Variants in NINJ2 observed in about 807,000 individuals in gnomAD.
The protein encoded by NINJ2 is ninjurin-2.
A neutral mutation model predicts 11.7 loss-of-function variants in NINJ2; 12 were observed. That is an observed-to-expected ratio of 1.02 (90% CI 0.66 to 1.66). The LOEUF (loss-of-function observed/expected upper bound fraction) is 1.66, where lower values mean the gene tolerates loss of function less well. NINJ2 is among the 40% of genes most tolerant of loss of function. The probability of loss-of-function intolerance (pLI) is 0.00; values close to 1 mark genes in which losing one functional copy is unlikely to be tolerated. For missense variants in NINJ2, 187 were observed against 181.8 expected (o/e 1.03, Z -0.16); for synonymous variants, 93 against 76.8 (o/e 1.21, Z -1.10).
chr12:588,904 C>T (rs1464995347), intron 1 of NINJ2, among the ~76,000 whole-genome samples: 4 of 152,190 alleles, frequency 2.6e-5, no homozygotes, highest in Admixed American at 6.5e-5. Context: ...AGCACTTTCA[C>T]GTCCTTGGTA....
intron 1 of NINJ2, among the ~76,000 whole-genome samples, chr12:659,960 C>T (rs1363992442): frequency 6.6e-6 from 1 of 152,068 alleles, no homozygotes; most frequent in Non-Finnish European, 1.5e-5. Flanking sequence ...AAACTTCCTG[C>T]CACTTACTTG....
chr12:609,387 G>A (rs1385710031), intron 1 of NINJ2, among the ~76,000 whole-genome samples: 1 of 152,136 alleles, frequency 6.6e-6, no homozygotes, highest in African/African-American at 2.4e-5. Context: ...AATGCAGAGC[G>A]GGCCTTCGCA....
chr12:578,289 G>A (rs1379843977), intron 1 of NINJ2, among the ~76,000 whole-genome samples: 1 of 152,126 alleles, frequency 6.6e-6, no homozygotes, highest in Non-Finnish European at 1.5e-5. Context: ...CAAAGCTCCT[G>A]GCCGAATAAA....
intron 1 of NINJ2, among the ~76,000 whole-genome samples, chr12:583,799 GTCGAGACCTGGCCCTGCCCCT>G (rs1280871473): frequency 1.3e-5 from 2 of 152,234 alleles, no homozygotes; most frequent in Non-Finnish European, 2.9e-5. Flanking sequence ...GGACAGCGGA[GTCGAGACCTGGCCCTGCCCCT>G]TCATAGCTGC....
chr12:592,221 C>T (rs1192506264), intron 1 of NINJ2, among the ~76,000 whole-genome samples: 1 of 152,100 alleles, frequency 6.6e-6, no homozygotes, highest in Non-Finnish European at 1.5e-5. Context: ...CCTCACTGGG[C>T]TGCTGCGACA....
In NINJ2 at chr12:565,647, G is replaced by A. The variant is rs997451669; in HGVS notation, c.263-246C>T. On this transcript the variant is annotated intron_variant, in intron 2 of 3. Transcript: ENST00000305108. Reference sequence around the variant, plus strand: ...AGCTGGGTCCTGTAAGCGTGGGGACGAGTGCTCATGGAGAAGCGGTGAGCG... The same window carrying A: ...AGCTGGGTCCTGTAAGCGTGGGGACAAGTGCTCATGGAGAAGCGGTGAGCG... 2.9e-5 allele frequency: 18 copies of A among 611,224 alleles called. No individual in the cohort carries two copies. In the Admixed American group the frequency reaches 3.1e-4, roughly 11 times the overall value. The allele number at this position is 611,224 out of a possible 1,614,324, so 37.9% of individuals were successfully genotyped here.
intron 1 of NINJ2, among the ~76,000 whole-genome samples, chr12:632,914 A>C (rs891872103): frequency 6.6e-6 from 1 of 152,240 alleles, no homozygotes; most frequent in Non-Finnish European, 1.5e-5. Context: ...GTGCCAGCCC[A>C]AACCAGAACC....
intron 1 of NINJ2, among the ~76,000 whole-genome samples, chr12:578,856 A>T (rs1242250905): frequency 6.6e-6 from 1 of 152,192 alleles, no homozygotes; most frequent in Non-Finnish European, 1.5e-5. Flanking sequence ...TTCCCAGCCC[A>T]GTGCTGCCAG....
Position 585,185 on chromosome 12 carries a change from G to T in NINJ2, c.34-19007C>A, listed in dbSNP as rs1947614962. ...GCTGCATTTCCACCGCCATGAAATG[G>T]AGGCTGTCTCTGCAGTGACCTTCAC... is the stretch of plus-strand genomic sequence containing the variant. On this transcript the variant is annotated intron_variant, in intron 1 of 3. Transcript: ENST00000305108. The surrounding 1 kb of genome is among the most constrained non-coding windows in gnomAD (Gnocchi z 4.1). Among the ~76,000 whole-genome samples the T allele has an allele frequency of 6.6e-6, 1 of 152,194 alleles. No homozygotes were observed. The highest frequency in any genetic ancestry group is 2.4e-5 in the African/African-American group (1 of 41,450).
intron 1 of NINJ2, among the ~76,000 whole-genome samples, chr12:627,382 T>C (rs560448689): frequency 7.2e-5 from 11 of 152,178 alleles, no homozygotes; most frequent in Admixed American, 2.0e-4. Context: ...TATAATTAAG[T>C]ACATTTCTAC....
chr12:600,819 T>A (rs558467556), intron 1 of NINJ2, among the ~76,000 whole-genome samples: 12 of 152,140 alleles, frequency 7.9e-5, no homozygotes, highest in Admixed American at 2.6e-4. Flanking sequence ...AGTGCTGGGA[T>A]TACAAGCATG....
intron 1 of NINJ2, among the ~76,000 whole-genome samples, chr12:571,685 T>C (rs1215882887): frequency 6.6e-6 from 1 of 152,230 alleles, no homozygotes; most frequent in Non-Finnish European, 1.5e-5. Context: ...TTGGCCTATA[T>C]TTTTGTTTAT....
At chr12:612,473 T>A (rs577525357) in intron 1 of NINJ2, among the ~76,000 whole-genome samples, 1 of 152,270 alleles carries the variant, frequency 6.6e-6, no homozygotes, top group South Asian at 2.1e-4. Flanking sequence ...AGATTTTCCC[T>A]TCCATTAATC....
intron 1 of NINJ2, among the ~76,000 whole-genome samples, chr12:607,443 T>C (rs1046320735): frequency 2.6e-5 from 4 of 152,184 alleles, no homozygotes; most frequent in African/African-American, 9.7e-5. Context: ...CCATGGCAAA[T>C]GGTGGCTTTG....
At chr12:643,495 G>A (rs1231744481) in intron 1 of NINJ2, 3 of 988,154 alleles carry the variant, frequency 3.0e-6, no homozygotes, top group South Asian at 4.7e-5. Flanking sequence ...ACACGGCTTT[G>A]TCCCTGGAAC....
chr12:602,354 C>T (rs1352861916), intron 1 of NINJ2, among the ~76,000 whole-genome samples: 2 of 152,184 alleles, frequency 1.3e-5, no homozygotes, highest in South Asian at 2.1e-4. Context: ...CTGTCTGTAT[C>T]GATTTTGGAT....
At chr12:600,738 A>C (rs924270280) in intron 1 of NINJ2, among the ~76,000 whole-genome samples, 5 of 149,120 alleles carry the variant, frequency 3.4e-5, no homozygotes, top group Non-Finnish European at 1.5e-5. Flanking sequence ...GCTGGAGTGC[A>C]TGGTGTCATC....
At chr12:643,389 G>T in intron 1 of NINJ2, 1 of 952,214 alleles carries the variant, frequency 1.1e-6, no homozygotes, top group Non-Finnish European at 1.3e-6. Flanking sequence ...AAGGGTCGCA[G>T]CTGCAGTCGC....
intron 1 of NINJ2, among the ~76,000 whole-genome samples, chr12:597,357 G>C (rs553790272): frequency 6.6e-6 from 1 of 152,286 alleles, no homozygotes; most frequent in South Asian, 2.1e-4. Context: ...AGAGTGTGCG[G>C]CACTCAATAA....
Sources: gnomAD v4.1 joint callset for allele counts (sites outside exome capture counted in the v4.1 genomes callset) on GRCh38, gnomAD v4.1.1 for gene constraint, Gnocchi (gnomAD v3.1) non-coding constraint, MANE v1.5 for transcripts, NCBI Gene and HGNC (gene_info 2026-07-23, HGNC 2026-07-21) for gene names.